The following DLG2 variants were observed in gnomAD, a reference collection of about 807,000 sequenced individuals.
DLG2 encodes the protein disks large homolog 2.
In DLG2, 45 loss-of-function variants were observed where a neutral mutation model predicts 132.5. The ratio of observed to expected loss-of-function variants is 0.34; its 90% CI spans 0.27 to 0.44. The LOEUF is 0.44. Among genes scored for constraint, DLG2 ranks in the 20% least tolerant of loss-of-function variants. DLG2 has a pLI of 1.00. For missense variants in DLG2, 1,045 were observed against 1,196.9 expected (o/e 0.87, Z 1.87); for synonymous variants, 424 against 419.6 (o/e 1.01, Z -0.13).
chr11:84,775,485 A>T (rs890375463), intron 6 of DLG2, among the ~76,000 whole-genome samples: 1 of 152,176 alleles, frequency 6.6e-6, no homozygotes, highest in African/African-American at 2.4e-5. Context: ...TCATTGCAGC[A>T]CTATTCACAA....
intron 18 of DLG2, among the ~76,000 whole-genome samples, chr11:83,653,742 A>T (rs1394781325): frequency 3.3e-5 from 5 of 151,834 alleles, no homozygotes; most frequent in African/African-American, 1.2e-4. Flanking sequence ...TTTTTTTTTT[A>T]GATGGAGTCT....
intron 5 of DLG2, among the ~76,000 whole-genome samples, chr11:85,113,606 T>C (rs545273974): frequency 3.9e-5 from 6 of 152,160 alleles, no homozygotes; most frequent in African/African-American, 1.4e-4. Context: ...TATTGTATGA[T>C]AAGCAAAAAA....
At chr11:83,547,798 A>T (rs968814097) in intron 19 of DLG2, among the ~76,000 whole-genome samples, 3 of 152,194 alleles carry the variant, frequency 2.0e-5, no homozygotes, top group African/African-American at 7.2e-5. Flanking sequence ...TTGTTATGGT[A>T]GCAATAGAAA....
At chr11:83,954,962 G>A (rs1013804586) in intron 14 of DLG2, among the ~76,000 whole-genome samples, 51 of 152,118 alleles carry the variant, frequency 3.4e-4, no homozygotes, top group African/African-American at 1.1e-3. Context: ...ATCCATATAC[G>A]TAGATTACAA....
intron 7 of DLG2, among the ~76,000 whole-genome samples, chr11:84,388,033 C>T (rs1409494520): frequency 2.0e-5 from 3 of 152,102 alleles, no homozygotes; most frequent in African/African-American, 7.2e-5. Context: ...GTTAATGCTC[C>T]CCCTTTTCTA....
chr11:85,371,185 G>C (rs561986368), intron 3 of DLG2, among the ~76,000 whole-genome samples: 5 of 152,256 alleles, frequency 3.3e-5, no homozygotes, highest in Admixed American at 3.3e-4. Context: ...AACATGCCCA[G>C]GACTCATGAA....
At chr11:85,332,835 G>C (rs1044761696) in intron 3 of DLG2, among the ~76,000 whole-genome samples, 1 of 152,126 alleles carries the variant, frequency 6.6e-6, no homozygotes, top group Non-Finnish European at 1.5e-5. Context: ...CAAGTCCCAT[G>C]TTATTTTGGT....
chr11:84,961,111 CTTAA>C (rs2154108790), intron 6 of DLG2, among the ~76,000 whole-genome samples: 1 of 151,752 alleles, frequency 6.6e-6, no homozygotes, highest in South Asian at 2.1e-4. Flanking sequence ...TCCATGCTTC[CTTAA>C]TTGACTGGAG....
chr11:83,815,130 G>A (rs778451599), intron 17 of DLG2: 2 of 153,890 alleles, frequency 1.3e-5, no homozygotes, highest in Non-Finnish European at 2.9e-5. Flanking sequence ...AAATTAAAGT[G>A]TTTCACCTTT....
intron 3 of DLG2, among the ~76,000 whole-genome samples, chr11:85,426,153 G>A (rs1470656655): frequency 2.0e-5 from 3 of 152,222 alleles, no homozygotes; most frequent in Non-Finnish European, 4.4e-5. Flanking sequence ...CTCGAACTGG[G>A]TAGAGCCCAC....
At chr11:84,595,297 GA>G (rs1215641485) in intron 6 of DLG2, among the ~76,000 whole-genome samples, 1 of 151,968 alleles carries the variant, frequency 6.6e-6, no homozygotes, top group East Asian at 1.9e-4. Context: ...GAGATTTGGA[GA>G]GATAGGGTTT....
intron 7 of DLG2, among the ~76,000 whole-genome samples, chr11:84,313,478 G>A (rs2098313456): frequency 7.5e-6 from 1 of 132,676 alleles, no homozygotes; most frequent in Non-Finnish European, 1.6e-5. Context: ...TTCAGTACAT[G>A]ATAGTCAAAG....
chr11:85,596,074 G>A (rs777904744), intron 3 of DLG2, among the ~76,000 whole-genome samples: 28 of 152,012 alleles, frequency 1.8e-4, no homozygotes, highest in Admixed American at 5.2e-4. Context: ...GAAACATAGC[G>A]AGACCCCATC....
chr11:84,022,256 C>G (rs1184444993), intron 11 of DLG2, among the ~76,000 whole-genome samples: 1 of 152,066 alleles, frequency 6.6e-6, no homozygotes, highest in East Asian at 1.9e-4. Flanking sequence ...CCCAAAACAC[C>G]AAAATCAAAC....
At chr11:83,704,516 T>TAA (rs368032137) in intron 18 of DLG2, among the ~76,000 whole-genome samples, 80 of 151,738 alleles carry the variant, frequency 5.3e-4, no homozygotes, top group Non-Finnish European at 1.0e-3. Context: ...TTTCTTTTTT[T>TAA]AAAAAAAATG....
chr11:83,652,002 AT>A (rs2070670696), intron 18 of DLG2: 1 of 357,352 alleles, frequency 2.8e-6, no homozygotes, highest in Non-Finnish European at 5.9e-6. Context: ...GTCTAATCAA[AT>A]TTGGCCCTGT....
chr11:85,450,599 T>C lies in DLG2; in HGVS notation c.40+148058A>G, dbSNP rs182508802. Among the ~76,000 whole-genome samples the C allele has an allele frequency of 1.3e-3, 203 of 152,328 alleles. 1 individual carries two copies. Among genetic ancestry groups the C allele is most frequent in the African/African-American group, 4.6e-3 (193 of 41,582 alleles). On this transcript the variant is annotated intron_variant, in intron 3 of 27. Coordinates refer to ENST00000376104, the MANE Select transcript of DLG2 (RefSeq NM_001142699.3). ...CCATCAAGTAATTGTAAATATCTTA[T>C]ATTAGAGATTTTTTCAGGACATTTT...
intron 6 of DLG2, among the ~76,000 whole-genome samples, chr11:85,054,172 C>T (rs758407938): frequency 8.6e-5 from 13 of 150,320 alleles, no homozygotes; most frequent in African/African-American, 2.2e-4. Context: ...GGCTGAGGCA[C>T]GAGAATCGCT....
At chr11:85,150,596 G>A (rs2077179532) in intron 5 of DLG2, among the ~76,000 whole-genome samples, 1 of 151,998 alleles carries the variant, frequency 6.6e-6, no homozygotes, top group Non-Finnish European at 1.5e-5. Flanking sequence ...GAATCATACA[G>A]TGTTTGTCCT....
Sources: allele counts gnomAD v4.1 joint callset (sites outside exome capture counted in the v4.1 genomes callset), GRCh38; gene constraint gnomAD v4.1.1; transcripts MANE v1.5; gene names NCBI Gene and HGNC (gene_info 2026-07-23, HGNC 2026-07-21).